Variants in CAPN9 observed in about 807,000 individuals in gnomAD.
CAPN9 encodes the protein calpain 9, also known as calpain-9.
Under a neutral mutation model 92.8 loss-of-function variants are expected in CAPN9, and 81 were observed. That is an observed-to-expected ratio of 0.87 (90% CI 0.73 to 1.05). The LOEUF is 1.05. Ranked by LOEUF, CAPN9 falls within the 50% of genes least tolerant of loss-of-function variation. The pLI is 0.00. For synonymous variants in CAPN9, 304 were observed against 328.0 expected (o/e 0.93, Z 0.79); for missense variants, 848 against 866.2 (o/e 0.98, Z 0.26).
intron 17 of CAPN9, among the ~76,000 whole-genome samples, chr1:230,793,780 A>G (rs937634771): frequency 2.0e-5 from 3 of 152,234 alleles, no homozygotes; most frequent in Non-Finnish European, 4.4e-5. Flanking sequence ...GATGATTTAT[A>G]AATGAGCAAA....
At position 230,766,912 on chromosome 1, in the gene CAPN9, A is replaced by G. The variant is rs566605116; in HGVS notation, c.537-629A>G. ...CTGATGAGACTCATTCACTATCACA[A>G]GAACAGTGCAGGAAAGACCCGCCTC... On this transcript the variant is annotated intron_variant, in intron 4 of 19. Coordinates refer to ENST00000271971, the MANE Select transcript of CAPN9 (RefSeq NM_006615.3). 3.2e-4 allele frequency among the ~76,000 whole-genome samples: 48 copies of G among 152,322 alleles called. 1 individual carries two copies. Among genetic ancestry groups the G allele is most frequent in the African/African-American group, 1.1e-3 (47 of 41,570 alleles).
intron 17 of CAPN9, among the ~76,000 whole-genome samples, chr1:230,793,175 C>T (rs1340722266): frequency 6.6e-6 from 1 of 152,226 alleles, no homozygotes; most frequent in African/African-American, 2.4e-5. Context: ...AATGTATCTG[C>T]TAAAAATGAA....
intron 7 of CAPN9, 55 bp from the exon 8 acceptor site, chr1:230,774,499 C>A: frequency 8.7e-7 from 1 of 1,149,152 alleles, no homozygotes; most frequent in Non-Finnish European, 1.3e-6. Flanking sequence ...ACATCAAGGC[C>A]ATTGTTGCTC....
rs1264405423 is a variant in CAPN9, at chr1:230,791,913, C to A, written c.1707C>A (p.Ile569=). 15 of 1,612,206 alleles carry A rather than the reference C, an allele frequency of 9.3e-6. No individual in the cohort carries two copies. The highest frequency in any genetic ancestry group is 1.3e-5 in the Non-Finnish European group (15 of 1,178,252). Residue 569 remains isoleucine (I), a synonymous_variant, in exon 15 of 20, where the codon ATC becomes ATA. Transcript: ENST00000271971. ...TAAGCCTGATCTCCTGTAAAAACAT[C>A]ATTTCCCTGATGGACGTATCCTTCC... ...KKLSLISCKN[I]ISLMDTSGNG... is the part of the protein sequence containing the mutation.
rs565202364 is a variant in CAPN9 at position 230,747,668 on chromosome 1, AGT to A, written c.174_175del (p.Ser58ArgfsTer30). 7.3e-4 allele frequency: 1,179 copies of A among 1,613,824 alleles called. 1 individual carries two copies. Among genetic ancestry groups the A allele is most frequent in the Non-Finnish European group, 9.5e-4 (1,126 of 1,179,920 alleles). On this transcript the variant is annotated frameshift_variant, in exon 1 of 20. Coordinates refer to ENST00000271971, the MANE Select transcript of CAPN9 (RefSeq NM_006615.3). LOFTEE classifies it high-confidence loss of function. ...AGCCAGCAATTCCTCCCTGTTCTAC[AGT>A]GAGAGGCCGCAGATCCCCTTTGTGT... Reference protein sequence around the residue: ...FPASNSSLFYSERPQIPFVWK... With the variant: ...FPASNSSLFYXERPQIPFVWK...
intron 7 of CAPN9, among the ~76,000 whole-genome samples, chr1:230,773,483 G>C (rs1219268545): frequency 6.6e-6 from 1 of 152,178 alleles, no homozygotes; most frequent in Admixed American, 6.5e-5. Flanking sequence ...CACAGAGGTA[G>C]AAATCAAGAA....
In CAPN9 at chr1:230,772,085, G is replaced by A. The variant is rs771709036; in HGVS notation, c.861G>A (p.Gly287=). 1.1e-5 allele frequency: 17 copies of A among 1,614,092 alleles called. No homozygotes were observed. Among genetic ancestry groups the A allele is most frequent in the African/African-American group, 5.3e-5 (4 of 74,944 alleles). ...CTTGGGGCCAGGTTGAGTGGAACGG[G>A]TCGTGGAGCGACAGGTCAGTCACCC... ...RNPWGQVEWN[G]SWSDSSPEWR... Residue 287 remains glycine, a synonymous_variant, in exon 7 of 20, where the codon GGG becomes GGA. Transcript: ENST00000271971.
At chr1:230,748,404 C>T (rs1664565058) in intron 1 of CAPN9, among the ~76,000 whole-genome samples, 1 of 152,188 alleles carries the variant, frequency 6.6e-6, no homozygotes, top group Non-Finnish European at 1.5e-5. Flanking sequence ...GGCTGGCTTC[C>T]ATTCCCTCCA....
rs1316545226 is a variant in CAPN9 at position 230,774,560 on chromosome 1, G to A, written c.882G>A (p.Pro294=). The change falls in exon 8 of 20, where the codon CCG becomes CCA. Residue 294 remains proline (P), a synonymous_variant. Transcript: ENST00000271971. ...EWNGSWSDSS[P]EWRSVGPAEQ... ...CAATTTTGTTTACTCCTAGTTCTCC[G>A]GAGTGGCGTTCTGTTGGTCCAGCTG... 18 of 1,612,688 alleles carry A rather than the reference G, an allele frequency of 1.1e-5. No individual in the cohort carries two copies. The highest frequency in any genetic ancestry group is 2.2e-5 in the South Asian group (2 of 91,058).
intron 2 of CAPN9, among the ~76,000 whole-genome samples, chr1:230,757,731 A>G (rs1238242767): frequency 6.6e-6 from 1 of 151,372 alleles, no homozygotes; most frequent in Non-Finnish European, 1.5e-5. Flanking sequence ...AAAAAAAAAA[A>G]AAAACTAGAA....
intron 2 of CAPN9, among the ~76,000 whole-genome samples, chr1:230,755,923 C>G (rs1281732317): frequency 1.3e-5 from 2 of 152,112 alleles, no homozygotes; most frequent in Non-Finnish European, 2.9e-5. Context: ...TTATACACAC[C>G]CTGGGGAGCC....
chr1:230,753,955 C>G (rs1476783300), intron 1 of CAPN9, among the ~76,000 whole-genome samples: 3 of 152,080 alleles, frequency 2.0e-5, no homozygotes, highest in African/African-American at 4.8e-5. Context: ...CACCCCTTCC[C>G]TCTCCATCCT....
chr1:230,794,697 G>C (rs776875709), intron 17 of CAPN9, among the ~76,000 whole-genome samples: 1 of 152,038 alleles, frequency 6.6e-6, no homozygotes, highest in Non-Finnish European at 1.5e-5. Context: ...ATTCTCCGTG[G>C]GCAGCAGCAT....
rs188452571 is a variant in CAPN9 at position 230,772,007 on chromosome 1, C to G, written c.790-7C>G. The G allele has an allele frequency of 1.9e-6, 3 of 1,613,606 alleles. No individual in the cohort carries two copies. ...TTTCACACTTCCCTCATGCTTTTCC[C>G]TTCTAGGTAAGCTTCCGAGGCCAGA... On this transcript the variant is annotated splice_region_variant and splice_polypyrimidine_tract_variant and intron_variant, in intron 6 of 19. Transcript: ENST00000271971.
rs144353051 is a variant in CAPN9, at chr1:230,769,235, A to G, written c.761A>G (p.His254Arg). 566 of 1,613,966 alleles carry G rather than the reference A, an allele frequency of 3.5e-4. No homozygotes were observed. The highest frequency in any genetic ancestry group is 4.5e-4 in the Non-Finnish European group (536 of 1,179,932). ...ACGCCGTTTGGTCTTATTAAGGGTC[A>G]TGCCTACAGTGTAACGGGAATTGAC... ...ARTPFGLIKG[H>R]AYSVTGIDQV... is the part of the protein sequence containing the mutation. Residue 254 changes from histidine (H) to arginine (R), a missense_variant, in exon 6 of 20, where the codon CAT (histidine) becomes CGT (arginine). His to Arg is a conservative substitution (Grantham distance 29). Coordinates refer to ENST00000271971, the MANE Select transcript of CAPN9 (RefSeq NM_006615.3).
In CAPN9 at chr1:230,767,577, C is replaced by T. The variant is rs149766737; in HGVS notation, c.573C>T (p.Ser191=). ...NGSYEALKGG[S]AIEAMEDFTG... ...GCTATGAAGCTCTGAAGGGAGGCAG[C>T]GCCATCGAGGCCATGGAAGACTTCA... The change falls in exon 5 of 20, where the codon AGC becomes AGT. Residue 191 remains serine, a synonymous_variant. Coordinates refer to ENST00000271971, the MANE Select transcript of CAPN9 (RefSeq NM_006615.3). 1.0e-4 allele frequency: 167 copies of T among 1,613,082 alleles called. No individual in the cohort carries two copies. The highest frequency in any genetic ancestry group is 1.7e-4 in the Middle Eastern group (1 of 6,042).
chr1:230,791,539 A>G (rs934365836), intron 14 of CAPN9, among the ~76,000 whole-genome samples: 3 of 152,310 alleles, frequency 2.0e-5, no homozygotes, highest in East Asian at 3.9e-4. Context: ...ATGCCTCTCT[A>G]TTGGTCATTA....
chr1:230,800,148 AGCCTGG>A (rs1308410033), intron 19 of CAPN9, among the ~76,000 whole-genome samples: 1 of 151,698 alleles, frequency 6.6e-6, no homozygotes, highest in East Asian at 1.9e-4. Context: ...ACTGCACTCC[AGCCTGG>A]GCGACAGAGT....
intron 8 of CAPN9, among the ~76,000 whole-genome samples, chr1:230,774,916 T>C (rs1205206856): frequency 6.6e-6 from 1 of 151,788 alleles, no homozygotes; most frequent in Non-Finnish European, 1.5e-5. Flanking sequence ...TCATTTTGTA[T>C]CTTTAGTAGA....
Sources: allele counts gnomAD v4.1 joint callset (sites outside exome capture counted in the v4.1 genomes callset), GRCh38; gene constraint gnomAD v4.1.1; transcripts MANE v1.5; gene names NCBI Gene and HGNC (gene_info 2026-07-23, HGNC 2026-07-21).